The following TREM1 variants were observed in gnomAD, a reference collection of about 807,000 sequenced individuals.
TREM1 encodes the protein triggering receptor expressed on monocytes 1.
In TREM1, 16 loss-of-function variants were observed where a neutral mutation model predicts 22.4. The observed-to-expected ratio is 0.71, with a 90% CI of 0.48 to 1.08. The LOEUF (loss-of-function observed/expected upper bound fraction) is 1.08, where lower values mean the gene tolerates loss of function less well. Among genes scored for constraint, TREM1 ranks in the 50% least tolerant of loss-of-function variants. The pLI is 0.00. For synonymous variants in TREM1, 110 were observed against 111.6 expected (o/e 0.99, Z 0.09); for missense variants, 283 against 282.9 (o/e 1.00, Z 0.00).
intron 1 of TREM1, 70 bp from the exon 2 acceptor site, chr6:41,282,821 A>G: frequency 7.3e-7 from 1 of 1,376,810 alleles, no homozygotes; most frequent in Non-Finnish European, 9.9e-7. Flanking sequence ...GAAAAAGGAG[A>G]GGAGCCCCCT....
chr6:41,272,478 T>C (rs759797618), downstream of TREM1, among the ~76,000 whole-genome samples: 1 of 152,160 alleles, frequency 6.6e-6, no homozygotes, highest in Non-Finnish European at 1.5e-5. Context: ...CCCCGCACCA[T>C]GGTTCCCAAG....
downstream of TREM1, among the ~76,000 whole-genome samples, chr6:41,272,692 G>A (rs775118926): frequency 3.9e-5 from 6 of 152,076 alleles, no homozygotes; most frequent in East Asian, 1.9e-4. Flanking sequence ...AGCATGTCTC[G>A]GTGACTCAGG....
At chr6:41,284,271 A>T (rs974491065) in intron 1 of TREM1, among the ~76,000 whole-genome samples, 1 of 152,192 alleles carries the variant, frequency 6.6e-6, no homozygotes, top group Non-Finnish European at 1.5e-5. Context: ...CAGGCTAAGC[A>T]ATCTACAGTG....
At chr6:41,281,236 A>G in intron 2 of TREM1, 83 bp from the exon 3 acceptor site, 2 of 1,461,078 alleles carry the variant, frequency 1.4e-6, no homozygotes, top group South Asian at 1.3e-5. Context: ...GTATGGATGT[A>G]TGGATGAAAA....
At chr6:41,280,333 C>T (rs1767854562) in intron 3 of TREM1, 2 of 985,742 alleles carry the variant, frequency 2.0e-6, no homozygotes, top group African/African-American at 1.7e-5. Flanking sequence ...TAGAAATCTC[C>T]TAAACATCTT....
downstream of TREM1, among the ~76,000 whole-genome samples, chr6:41,271,677 T>C (rs934565479): frequency 3.3e-5 from 5 of 152,170 alleles, no homozygotes; most frequent in African/African-American, 1.2e-4. Flanking sequence ...TCTCTCAACT[T>C]CAAGATGCAG....
intron 1 of TREM1, among the ~76,000 whole-genome samples, chr6:41,283,555 C>CA (rs1317645604): frequency 6.6e-6 from 1 of 151,922 alleles, no homozygotes; most frequent in East Asian, 1.9e-4. Flanking sequence ...ACTAAAAATA[C>CA]AAAAAAATTA....
At chr6:41,279,613 C>T (rs1039546873) in intron 3 of TREM1, 3 of 985,210 alleles carry the variant, frequency 3.0e-6, no homozygotes, top group Non-Finnish European at 2.4e-6. Context: ...GGGAAAAAGG[C>T]ACTGCCACTA....
At position 41,284,616 on chromosome 6, in the gene TREM1, G is replaced by A. The variant is rs867538249; in HGVS notation, c.50-1865C>T. Among the ~76,000 whole-genome samples the A allele has an allele frequency of 4.6e-5, 7 of 152,258 alleles. No homozygotes were observed. In the Middle Eastern group the frequency reaches 0.01, roughly 222 times the overall value. On this transcript the variant is annotated intron_variant, in intron 1 of 3. Transcript: ENST00000244709. ...AATAACAGGCTAGACAGTGCTGCTG[G>A]GTCTACTGTGTGGGTCACGGTAACA...
At position 41,282,726 on chromosome 6, in the gene TREM1, A is replaced by G. The variant is rs1031772625; in HGVS notation, c.75T>C (p.Thr25=). ...VSELRAATKL[T]EEKYELKEGQ... is the part of the protein sequence containing the mutation. ...CCTCTTTCAGTTCATACTTTTCCTC[A>G]GTTAATTTAGTTGCAGCTCGGAGTT... Residue 25 remains threonine (T), a synonymous_variant, in exon 2 of 4, where the codon ACT becomes ACC. Transcript: ENST00000244709. 1 of 1,613,504 alleles carries G rather than the reference A, an allele frequency of 6.2e-7. No homozygotes were observed. The highest frequency in any genetic ancestry group is 1.3e-5 in the African/African-American group (1 of 74,982).
chr6:41,278,566 G>T (rs2113981665), intron 3 of TREM1, among the ~76,000 whole-genome samples: 1 of 151,930 alleles, frequency 6.6e-6, no homozygotes, highest in South Asian at 2.1e-4. Flanking sequence ...CCAGCTACTT[G>T]GGAGGCAAAG....
intron 3 of TREM1, among the ~76,000 whole-genome samples, chr6:41,276,623 C>T (rs550073224): frequency 6.6e-6 from 1 of 152,240 alleles, no homozygotes; most frequent in South Asian, 2.1e-4. Flanking sequence ...GAGAAGAATC[C>T]ACCCGTAGTG....
chr6:41,272,400 A>G (rs1767508726), downstream of TREM1, among the ~76,000 whole-genome samples: 1 of 152,084 alleles, frequency 6.6e-6, no homozygotes, highest in Non-Finnish European at 1.5e-5. Flanking sequence ...GTGCTGCGCA[A>G]ACAAACATTG....
At chr6:41,276,553 T>C (rs1767679129) in intron 3 of TREM1, among the ~76,000 whole-genome samples, 2 of 152,150 alleles carry the variant, frequency 1.3e-5, no homozygotes, top group Non-Finnish European at 2.9e-5. Context: ...CTCAGTACCG[T>C]ACCCTGCCTA....
At chr6:41,273,394 C>T (rs1767544177), downstream of TREM1, among the ~76,000 whole-genome samples, 1 of 152,188 alleles carries the variant, frequency 6.6e-6, no homozygotes, top group African/African-American at 2.4e-5. Context: ...CCAAAATCAT[C>T]ACTGGCATGG....
At position 41,282,757 on chromosome 6, in the gene TREM1, A is replaced by G; in HGVS notation, c.50-6T>C. ...TTTAGTTGCAGCTCGGAGTTCTATA[A>G]GCAGGGAAAGAGAATGGGTTCTGTG... is the stretch of plus-strand genomic sequence containing the variant. On this transcript the variant is annotated splice_region_variant and splice_polypyrimidine_tract_variant and intron_variant, in intron 1 of 3. Coordinates refer to ENST00000244709, the MANE Select transcript of TREM1 (RefSeq NM_018643.5). The G allele has an allele frequency of 6.2e-7, 1 of 1,606,264 alleles. No homozygotes were observed. The highest frequency in any genetic ancestry group is 8.5e-7 in the Non-Finnish European group (1 of 1,175,894).
rs146890537 is a variant in TREM1, at chr6:41,274,794, G to A, written c.*1331C>T. 4.6e-3 allele frequency among the ~76,000 whole-genome samples: 697 copies of A among 152,210 alleles called. 8 individuals are homozygous for A. Among genetic ancestry groups the A allele is most frequent in the South Asian group, 0.03 (143 of 4,818 alleles). On this transcript the variant is annotated 3_prime_UTR_variant, in exon 4 of 4. Coordinates refer to ENST00000244709, the MANE Select transcript of TREM1 (RefSeq NM_018643.5). ...AGCAGTCTGGAAGCTGGACCTCCCC[G>A]TGCAGGGAACTTTTTCCACAGAAGT... is the stretch of plus-strand genomic sequence containing the variant.
At position 41,274,531 on chromosome 6, in the gene TREM1, C is replaced by T. The variant is rs913846891; in HGVS notation, c.*1594G>A. On this transcript the variant is annotated 3_prime_UTR_variant, in exon 4 of 4. Transcript: ENST00000244709. ...ACTGCATCCTGTACAGTCACTGCCT[C>T]TGAGCTGCTTGGTTCTTTTAGGTAG... Among the ~76,000 whole-genome samples the T allele has an allele frequency of 2.0e-5, 3 of 152,094 alleles. No individual in the cohort carries two copies. The highest frequency in any genetic ancestry group is 7.2e-5 in the African/African-American group (3 of 41,396).
intron 3 of TREM1, chr6:41,279,756 C>A (rs1767831435): frequency 1.0e-6 from 1 of 985,318 alleles, no homozygotes; most frequent in Non-Finnish European, 1.2e-6. Context: ...TGTAAGCCTG[C>A]CATGACACTG....
Sources: allele counts gnomAD v4.1 joint callset (sites outside exome capture counted in the v4.1 genomes callset), GRCh38; gene constraint gnomAD v4.1.1; transcripts MANE v1.5; gene names NCBI Gene and HGNC (gene_info 2026-07-23, HGNC 2026-07-21).